MAD1L1: variants seen among roughly 807,000 people sequenced by gnomAD.
MAD1L1 encodes the protein mitotic arrest deficient 1 like 1.
Under a neutral mutation model 96.9 loss-of-function variants are expected in MAD1L1, and 95 were observed. The observed-to-expected ratio is 0.98, with a 90% CI of 0.83 to 1.16. The LOEUF (loss-of-function observed/expected upper bound fraction) is 1.16, where lower values mean the gene tolerates loss of function less well. MAD1L1 is among the 50% of genes most tolerant of loss of function. MAD1L1 has a pLI of 0.00. For missense variants in MAD1L1, 1,007 were observed against 954.4 expected (o/e 1.06, Z -0.73); for synonymous variants, 473 against 396.6 (o/e 1.19, Z -2.29).
chr7:1,875,654 G>T (rs1000477055), intron 18 of MAD1L1, among the ~76,000 whole-genome samples: 1 of 152,208 alleles, frequency 6.6e-6, no homozygotes, highest in Non-Finnish European at 1.5e-5. Flanking sequence ...AACCCCGGGA[G>T]GTATAAGGGA....
intron 10 of MAD1L1, among the ~76,000 whole-genome samples, chr7:2,185,193 T>G (rs1426383659): frequency 9.5e-6 from 1 of 104,746 alleles, no homozygotes; most frequent in South Asian, 3.2e-4. Context: ...GCAGTGTAGA[T>G]CCCACACTCT....
At chr7:2,187,954 C>T (rs989756176) in intron 10 of MAD1L1, among the ~76,000 whole-genome samples, 5 of 152,170 alleles carry the variant, frequency 3.3e-5, no homozygotes, top group Admixed American at 1.3e-4. Context: ...TATCTAAATT[C>T]TTAAAAATTT....
At chr7:1,927,130 C>T (rs1789132922) in intron 17 of MAD1L1, among the ~76,000 whole-genome samples, 1 of 152,080 alleles carries the variant, frequency 6.6e-6, no homozygotes, top group South Asian at 2.1e-4. Flanking sequence ...AATTACATAG[C>T]TCCAACACTA....
chr7:2,022,913 G>T (rs1335538669), intron 12 of MAD1L1, among the ~76,000 whole-genome samples: 1 of 152,140 alleles, frequency 6.6e-6, no homozygotes, highest in African/African-American at 2.4e-5. Flanking sequence ...ATCAATCTCA[G>T]GCAGAACAAG....
intron 17 of MAD1L1, among the ~76,000 whole-genome samples, chr7:1,901,881 C>A (rs527616466): frequency 1.5e-4 from 23 of 152,294 alleles, no homozygotes; most frequent in Middle Eastern, 3.4e-3. Context: ...CGGCCCTCCT[C>A]GGGCCCCTCC....
At chr7:2,222,807 G>A (rs1562387334) in intron 4 of MAD1L1, 53 bp from the exon 5 acceptor site, 8 of 1,440,194 alleles carry the variant, frequency 5.6e-6, no homozygotes, top group East Asian at 4.9e-5. Flanking sequence ...GAGGGTCAGC[G>A]GGGAGCCCTC....
intron 11 of MAD1L1, among the ~76,000 whole-genome samples, chr7:2,101,271 AG>A (rs1483674217): frequency 0.01 from 1,172 of 116,390 alleles, 20 homozygotes; most frequent in Middle Eastern, 0.041. Context: ...GCCTGGCGCG[AG>A]ACTGGGGCTC....
intron 10 of MAD1L1, chr7:2,200,651 T>G (rs1792240793): frequency 6.6e-6 from 1 of 152,240 alleles, no homozygotes; most frequent in African/African-American, 2.4e-5. Context: ...CTGACTGGCT[T>G]GTGATGAAGT....
chr7:2,156,502 G>C (rs1436254443), intron 10 of MAD1L1, among the ~76,000 whole-genome samples: 1 of 152,016 alleles, frequency 6.6e-6, no homozygotes, highest in Non-Finnish European at 1.5e-5. Context: ...ACTACTTCCG[G>C]AACTACCGAT....
Position 2,219,616 on chromosome 7 carries a change from C to T in MAD1L1, c.472-160G>A, listed in dbSNP as rs568170107. Reference sequence around the variant, plus strand: ...GAGGAATAAGGGGGCAGAGGGGCATCGGGCAGAGGGGTAGGGGGGCAGAGC... The same window carrying T: ...GAGGAATAAGGGGGCAGAGGGGCATTGGGCAGAGGGGTAGGGGGGCAGAGC... On this transcript the variant is annotated intron_variant, in intron 5 of 18. Transcript: ENST00000265854. Among the ~76,000 whole-genome samples the T allele has an allele frequency of 3.2e-4, 38 of 118,852 alleles. 1 individual carries two copies. Among genetic ancestry groups the T allele is most frequent in the Admixed American group, 5.2e-4 (5 of 9,580 alleles). The allele number at this position is 118,852 out of a possible 152,430, so 78.0% of individuals were successfully genotyped here. A position where few individuals can be genotyped will look rare whatever the true frequency, so the allele number is the denominator to read the frequency against.
At chr7:2,118,127 C>G (rs1787802862) in intron 11 of MAD1L1, among the ~76,000 whole-genome samples, 2 of 152,224 alleles carry the variant, frequency 1.3e-5, no homozygotes, top group East Asian at 3.8e-4. Context: ...GCACCCGACA[C>G]TCATCCCAAG....
chr7:2,193,699 C>T (rs1245343315), intron 10 of MAD1L1, among the ~76,000 whole-genome samples: 10 of 152,188 alleles, frequency 6.6e-5, no homozygotes, highest in Non-Finnish European at 1.5e-4. Flanking sequence ...CAGATTCCTC[C>T]GGAAAACCTC....
chr7:1,967,773 A>T (rs1390382152), intron 15 of MAD1L1, among the ~76,000 whole-genome samples: 1 of 152,154 alleles, frequency 6.6e-6, no homozygotes, highest in Non-Finnish European at 1.5e-5. Flanking sequence ...CCGCGGGGAG[A>T]TCACGCAGCG....
At chr7:2,231,645 TC>T (rs1794195722) in intron 1 of MAD1L1, among the ~76,000 whole-genome samples, 1 of 151,926 alleles carries the variant, frequency 6.6e-6, no homozygotes, top group South Asian at 2.1e-4. Flanking sequence ...AAATCTGGCC[TC>T]TGGGAATCAG....
rs890038498 is a variant in MAD1L1, at chr7:2,056,949, C to A, written c.1218+12245G>T. 2.0e-5 allele frequency among the ~76,000 whole-genome samples: 3 copies of A among 152,260 alleles called. No individual in the cohort carries two copies. The East Asian group carries it at 5.8e-4, about 29-fold the overall frequency. The stretch of plus-strand genomic sequence containing the variant: ...CCGTGCAGCTATCATTACCACAAAC[C>A]AAGCCCCACCACGGTCTAGCACGGC... On this transcript the variant is annotated intron_variant, in intron 12 of 18. Coordinates refer to ENST00000265854, the MANE Select transcript of MAD1L1 (RefSeq NM_001013836.2).
intron 18 of MAD1L1, chr7:1,854,309 G>T (rs527757059): frequency 6.6e-6 from 3 of 451,170 alleles, no homozygotes; most frequent in South Asian, 4.7e-5. Context: ...AGCAGCGAGC[G>T]GACGTCCTGG....
intron 11 of MAD1L1, among the ~76,000 whole-genome samples, chr7:2,095,048 C>T (rs1467664696): frequency 1.3e-5 from 2 of 152,074 alleles, no homozygotes; most frequent in East Asian, 3.9e-4. Flanking sequence ...TATATCTCCC[C>T]ATATTTTTTT....
intron 17 of MAD1L1, among the ~76,000 whole-genome samples, chr7:1,906,390 G>T (rs1316416090): frequency 2.0e-5 from 3 of 152,200 alleles, no homozygotes; most frequent in Non-Finnish European, 2.9e-5. Flanking sequence ...GCCCTGCTGG[G>T]TGCCCCGGCC....
intron 16 of MAD1L1, among the ~76,000 whole-genome samples, chr7:1,938,871 C>CAT (rs780555843): frequency 8.5e-6 from 1 of 117,098 alleles, no homozygotes; most frequent in Non-Finnish European, 1.8e-5. Context: ...CACACACACA[C>CAT]GGACACAGTC....
Sources: allele counts gnomAD v4.1 joint callset (sites outside exome capture counted in the v4.1 genomes callset), GRCh38; gene constraint gnomAD v4.1.1; transcripts MANE v1.5; gene names NCBI Gene and HGNC (gene_info 2026-07-23, HGNC 2026-07-21).